Variants in KSR2 observed in about 807,000 individuals in gnomAD.
The protein encoded by KSR2 is kinase suppressor of ras 2.
Under a neutral mutation model 107.8 loss-of-function variants are expected in KSR2, and 25 were observed. That is an observed-to-expected ratio of 0.23 (90% CI 0.17 to 0.32). The LOEUF (loss-of-function observed/expected upper bound fraction) is 0.32, where lower values mean the gene tolerates loss of function less well. KSR2 is among the 10% of genes least tolerant of loss of function. The pLI, the probability that KSR2 is intolerant of heterozygous loss-of-function variation, is 1.00. For synonymous variants in KSR2, 480 were observed against 507.0 expected, an observed-to-expected ratio of 0.95 and a Z score of 0.71; for missense variants, 887 against 1,268.9, an observed-to-expected ratio of 0.70 and a Z score of 4.57.
rs58787858 is a variant in KSR2, at chr12:117,777,107, T to TATATATATATATATAC, written c.473-15584_473-15583insGTATATATATATATAT. Among the ~76,000 whole-genome samples, 521 of 66,088 alleles carry TATATATATATATATAC rather than the reference T, an allele frequency of 7.9e-3. 4 individuals are homozygous for TATATATATATATATAC. Among genetic ancestry groups the TATATATATATATATAC allele is most frequent in the African/African-American group, 0.03 (494 of 16,572 alleles). The allele number at this position is 66,088 out of a possible 152,430, so 43.4% of individuals were successfully genotyped here. A position where few individuals can be genotyped will look rare whatever the true frequency, so the allele number is the denominator to read the frequency against. On this transcript the variant is annotated intron_variant, in intron 3 of 19. Transcript: ENST00000339824. ...TATATTTTATATATATATATATATA[T>TATATATATATATATAC]ACACACACACACCATATATATATAC...
At chr12:117,672,600 C>T in intron 4 of KSR2, among the ~76,000 whole-genome samples, 1 of 152,064 alleles carries the variant, frequency 6.6e-6, no homozygotes, top group East Asian at 1.9e-4. Flanking sequence ...TGAAGCCAAG[C>T]TGCAATTTTC....
At chr12:117,742,352 A>C (rs572261256) in intron 4 of KSR2, among the ~76,000 whole-genome samples, 1 of 152,324 alleles carries the variant, frequency 6.6e-6, no homozygotes, top group East Asian at 1.9e-4. Context: ...TATTTTCATC[A>C]ATGTGAATGT....
In KSR2 at chr12:117,610,177, A is replaced by G. The variant is rs1222041789; in HGVS notation, c.1172-27818T>C. 1.3e-5 allele frequency among the ~76,000 whole-genome samples: 2 copies of G among 152,194 alleles called. 1 individual carries two copies. The highest frequency in any genetic ancestry group is 4.8e-5 in the African/African-American group (2 of 41,460). On this transcript the variant is annotated intron_variant, in intron 5 of 19. Transcript: ENST00000339824. ...TTTTGGATTTTAGGGAGTATAAATC[A>G]ATGAAATTTTTATAGGATAATTTGG... is the stretch of plus-strand genomic sequence containing the variant.
intron 10 of KSR2, among the ~76,000 whole-genome samples, chr12:117,532,960 G>A (rs1178634781): frequency 3.3e-5 from 5 of 152,194 alleles, no homozygotes; most frequent in African/African-American, 4.8e-5. Context: ...AGAGCCTAGA[G>A]TCTAGAAGCT....
chr12:117,936,499 CATT>C lies in KSR2; in HGVS notation c.180+31574_180+31576del, dbSNP rs1273667261. ...ACACCACCATGCCTGGCTACTTTAT[CATT>C]ATTATTATTTTATTATTATTATTAT... On this transcript the variant is annotated intron_variant, in intron 1 of 19. Coordinates refer to ENST00000339824, the MANE Select transcript of KSR2 (RefSeq NM_173598.6). Among the ~76,000 whole-genome samples, 312 of 147,670 alleles carry C rather than the reference CATT, an allele frequency of 2.1e-3. 1 individual carries two copies. Among genetic ancestry groups the C allele is most frequent in the African/African-American group, 7.5e-3 (299 of 40,096 alleles).
intron 14 of KSR2, among the ~76,000 whole-genome samples, chr12:117,513,435 C>A (rs2137204114): frequency 6.6e-6 from 1 of 152,310 alleles, no homozygotes; most frequent in South Asian, 2.1e-4. Context: ...AAGTCTGGGG[C>A]CCAGCAAGTT....
intron 4 of KSR2, among the ~76,000 whole-genome samples, chr12:117,750,669 T>C (rs1051510101): frequency 6.6e-6 from 1 of 152,074 alleles, no homozygotes; most frequent in Non-Finnish European, 1.5e-5. Context: ...CTCTCCCCTA[T>C]CTAGTTATCC....
intron 5 of KSR2, among the ~76,000 whole-genome samples, chr12:117,583,953 A>G (rs988838094): frequency 6.6e-6 from 1 of 152,214 alleles, no homozygotes; most frequent in African/African-American, 2.4e-5. Context: ...GGAGCCGGGC[A>G]TGTCAGAACC....
chr12:117,819,765 T>A, intron 3 of KSR2, among the ~76,000 whole-genome samples: 1 of 152,138 alleles, frequency 6.6e-6, no homozygotes, highest in Admixed American at 6.5e-5. Flanking sequence ...CCAATACTTA[T>A]GCAAATTCCC....
intron 3 of KSR2, among the ~76,000 whole-genome samples, chr12:117,764,388 T>C (rs758036046): frequency 1.3e-5 from 2 of 152,152 alleles, no homozygotes; most frequent in African/African-American, 2.4e-5. Flanking sequence ...ATTTCCATTT[T>C]GTAGGTAAGG....
chr12:117,735,159 A>C (rs1887892885), intron 4 of KSR2, among the ~76,000 whole-genome samples: 1 of 152,228 alleles, frequency 6.6e-6, no homozygotes, highest in Non-Finnish European at 1.5e-5. Flanking sequence ...AGCACAGTGG[A>C]GACGTTGGCC....
chr12:117,887,936 T>C (rs1035585676), intron 1 of KSR2, among the ~76,000 whole-genome samples: 4 of 152,226 alleles, frequency 2.6e-5, no homozygotes, highest in East Asian at 1.9e-4. Flanking sequence ...AGACCAGTCA[T>C]GAGCGACATT....
chr12:117,818,370 G>A (rs1277384383), intron 3 of KSR2, among the ~76,000 whole-genome samples: 13 of 152,092 alleles, frequency 8.5e-5, no homozygotes, highest in Admixed American at 2.6e-4. Context: ...CCTAGGGCAC[G>A]TTGTGTGCCC....
chr12:117,927,897 A>G (rs1895579987), intron 1 of KSR2, among the ~76,000 whole-genome samples: 2 of 152,106 alleles, frequency 1.3e-5, no homozygotes, highest in South Asian at 4.1e-4. Context: ...TCAAGCACAT[A>G]CGCAGTGTTG....
chr12:117,821,877 T>C (rs1284123252), intron 3 of KSR2, among the ~76,000 whole-genome samples: 1 of 152,104 alleles, frequency 6.6e-6, no homozygotes, highest in East Asian at 1.9e-4. Flanking sequence ...TGAACAGAAG[T>C]TGGGTAAAAT....
Position 117,476,578 on chromosome 12 carries a change from C to T in KSR2, c.2468G>A (p.Arg823His), listed in dbSNP as rs183487509. The T allele has an allele frequency of 6.6e-5, 106 of 1,611,146 alleles. 1 individual carries two copies. The highest frequency in any genetic ancestry group is 5.0e-4 in the Middle Eastern group (3 of 6,058). ...LQAGRREDKL[R>H]IQNGWLCHLA... is the part of the protein sequence containing the mutation. ...GTGGCATAGCCAGCCATTCTGGATG[C>T]GCAGTTTGTCCTCCCGCCTGGAGAA... The change falls in exon 17 of 20, where the codon CGC (arginine) becomes CAC (histidine). Residue 823 changes from arginine to histidine, a missense_variant. Transcript: ENST00000339824.
At chr12:117,471,762 T>A (rs1473882110) in intron 17 of KSR2, among the ~76,000 whole-genome samples, 2 of 152,278 alleles carry the variant, frequency 1.3e-5, no homozygotes, top group East Asian at 3.9e-4. Context: ...GCTGTATTAT[T>A]ATTAAAACAT....
intron 5 of KSR2, among the ~76,000 whole-genome samples, chr12:117,632,218 C>CTTTTTTTTTT: frequency 1.2e-5 from 1 of 84,028 alleles, no homozygotes; most frequent in Non-Finnish European, 2.1e-5. Flanking sequence ...AGTCCTACTC[C>CTTTTTTTTTT]TTTTTTTTTT....
At chr12:117,634,763 C>T (rs11068592) in intron 5 of KSR2, among the ~76,000 whole-genome samples, 25,097 of 152,108 alleles carry the variant, frequency 0.16, 2,160 homozygotes, top group Middle Eastern at 0.24. Flanking sequence ...GGGTTACTTC[C>T]GAGTAGATGA....
Sources: allele counts gnomAD v4.1 joint callset (sites outside exome capture counted in the v4.1 genomes callset), GRCh38; gene constraint gnomAD v4.1.1; transcripts MANE v1.5; gene names NCBI Gene and HGNC (gene_info 2026-07-23, HGNC 2026-07-21).